SHROOM3: variants seen among roughly 807,000 people sequenced by gnomAD.
The protein encoded by SHROOM3 is shroom family member 3.
A neutral mutation model predicts 138.6 loss-of-function variants in SHROOM3; 47 were observed. The observed-to-expected ratio is 0.34, with a 90% CI of 0.27 to 0.43. The LOEUF is 0.43. Among genes scored for constraint, SHROOM3 ranks in the 20% least tolerant of loss-of-function variants. The probability of loss-of-function intolerance (pLI) is 1.00; values close to 1 mark genes in which losing one functional copy is unlikely to be tolerated. For synonymous variants in SHROOM3, 1,062 were observed against 1,063.3 expected (o/e 1.00, Z 0.02); for missense variants, 2,491 against 2,596.5 (o/e 0.96, Z 0.88).
rs1718630594 is a variant in SHROOM3, at chr4:76,664,317, T to C, written c.324-45839T>C. On this transcript the variant is annotated intron_variant, in intron 2 of 10. Transcript: ENST00000296043. The surrounding 1 kb of genome is among the most constrained non-coding windows in gnomAD (Gnocchi z 4.2). ...AAGCCACTTTCTCATCTAAAGAGCTTACTGAACCTAACTTCTTTGGAGAAC... is the reference window on the plus strand; with the variant it reads ...AAGCCACTTTCTCATCTAAAGAGCTCACTGAACCTAACTTCTTTGGAGAAC... Among the ~76,000 whole-genome samples the C allele has an allele frequency of 6.6e-6, 1 of 152,240 alleles. No homozygotes were observed. The highest frequency in any genetic ancestry group is 2.4e-5 in the African/African-American group (1 of 41,470).
intron 1 of SHROOM3, among the ~76,000 whole-genome samples, chr4:76,528,937 T>G (rs1732771174): frequency 6.6e-6 from 1 of 152,178 alleles, no homozygotes; most frequent in African/African-American, 2.4e-5. Flanking sequence ...CATTAATGGG[T>G]GGGCAACTGT....
intron 2 of SHROOM3, among the ~76,000 whole-genome samples, chr4:76,676,039 TG>T (rs1466616664): frequency 7.2e-5 from 11 of 152,212 alleles, no homozygotes; most frequent in Non-Finnish European, 1.5e-4. Flanking sequence ...CCTGAGACAC[TG>T]GTCAATAAAT....
chr4:76,573,969 G>A (rs1334051969), intron 2 of SHROOM3, among the ~76,000 whole-genome samples: 3 of 152,146 alleles, frequency 2.0e-5, no homozygotes, highest in Non-Finnish European at 4.4e-5. Flanking sequence ...ACCTACTCCA[G>A]TGACCTTCTC....
chr4:76,466,353 C>T (rs761628707), intron 1 of SHROOM3, among the ~76,000 whole-genome samples: 1 of 152,122 alleles, frequency 6.6e-6, no homozygotes, highest in Non-Finnish European at 1.5e-5. Flanking sequence ...AGAATCTGCT[C>T]CTCCATTTTC....
intron 1 of SHROOM3, among the ~76,000 whole-genome samples, chr4:76,527,490 G>T (rs540523433): frequency 6.6e-6 from 1 of 152,332 alleles, no homozygotes; most frequent in East Asian, 1.9e-4. Flanking sequence ...GGCTGAGGTG[G>T]GAGAATTGCT....
chr4:76,597,621 G>A (rs1187550617), intron 2 of SHROOM3, among the ~76,000 whole-genome samples: 1 of 152,142 alleles, frequency 6.6e-6, no homozygotes, highest in African/African-American at 2.4e-5. Context: ...AGCCAGTGAA[G>A]GACAAAACGT....
chr4:76,662,362 T>C (rs1411438140), intron 2 of SHROOM3, among the ~76,000 whole-genome samples: 1 of 152,176 alleles, frequency 6.6e-6, no homozygotes, highest in Admixed American at 6.5e-5. Flanking sequence ...TCTTCTCACA[T>C]GGAACCCCAC....
At chr4:76,711,962 T>C (rs1222297484) in intron 3 of SHROOM3, among the ~76,000 whole-genome samples, 1 of 152,082 alleles carries the variant, frequency 6.6e-6, no homozygotes, top group African/African-American at 2.4e-5. Flanking sequence ...ACTCAAGAGA[T>C]CCAGCCAGCA....
intron 2 of SHROOM3, among the ~76,000 whole-genome samples, chr4:76,679,700 G>A (rs1235863349): frequency 6.6e-6 from 1 of 152,042 alleles, no homozygotes; most frequent in African/African-American, 2.4e-5. Context: ...TCTCACTTCT[G>A]CTCAGGCAAA....
chr4:76,587,851 G>T (rs1734185164), intron 2 of SHROOM3, among the ~76,000 whole-genome samples: 1 of 152,172 alleles, frequency 6.6e-6, no homozygotes, highest in Non-Finnish European at 1.5e-5. Flanking sequence ...ATTTATAAAT[G>T]TTGAAGTTGT....
chr4:76,691,315 A>G (rs1719530286), intron 2 of SHROOM3, among the ~76,000 whole-genome samples: 1 of 152,160 alleles, frequency 6.6e-6, no homozygotes, highest in Non-Finnish European at 1.5e-5. Context: ...ATAAAGGAAG[A>G]CTAGGTCACT....
intron 2 of SHROOM3, among the ~76,000 whole-genome samples, chr4:76,591,451 C>T (rs1263263830): frequency 6.6e-6 from 1 of 152,154 alleles, no homozygotes; most frequent in Non-Finnish European, 1.5e-5. Context: ...GGCACACTTC[C>T]CTCAAGTTTT....
chr4:76,687,528 C>G (rs1013106), intron 2 of SHROOM3, among the ~76,000 whole-genome samples: 83,553 of 152,050 alleles, frequency 0.55, 23,570 homozygotes, highest in East Asian at 0.78. Context: ...ACCAGTTGAG[C>G]AAACTAACCC....
intron 1 of SHROOM3, among the ~76,000 whole-genome samples, chr4:76,484,548 G>T (rs1367078953): frequency 6.6e-6 from 1 of 151,674 alleles, no homozygotes; most frequent in Admixed American, 6.6e-5. Context: ...TCTAGCCTGG[G>T]CTACAGCCTG....
rs1203661765 is a variant in SHROOM3, at chr4:76,740,897, C to T, written c.2724C>T (p.Pro908=). The part of the protein sequence containing the change: ...PEREPEWRDR[P]GSPESPLLDA... ...GGGAGCCCGAGTGGCGGGACAGGCC[C>T]GGCTCGCCCGAATCGCCCCTGCTGG... The change falls in exon 5 of 11, where the codon CCC becomes CCT. Residue 908 remains proline, a synonymous_variant. Transcript: ENST00000296043. This position sits in a 1 kb window ranked among gnomAD's most constrained non-coding sequence, Gnocchi z 4.0. 2.6e-6 allele frequency: 4 copies of T among 1,511,534 alleles called. No homozygotes were observed. Among genetic ancestry groups the T allele is most frequent in the Middle Eastern group, 1.8e-4 (1 of 5,658 alleles). 93.6% of individuals were successfully genotyped at this position (1,511,534 alleles called of 1,614,324 possible).
intron 2 of SHROOM3, among the ~76,000 whole-genome samples, chr4:76,674,489 A>G (rs994984180): frequency 6.8e-6 from 1 of 147,708 alleles, no homozygotes; most frequent in African/African-American, 2.5e-5. Flanking sequence ...TTTTTCCTAG[A>G]TCATATGTCA....
intron 2 of SHROOM3, among the ~76,000 whole-genome samples, chr4:76,684,626 C>A (rs976661419): frequency 6.6e-6 from 1 of 152,116 alleles, no homozygotes. Flanking sequence ...TTACTTGGGA[C>A]CCTGGGGCTA....
chr4:76,644,681 A>C (rs1333734911), intron 2 of SHROOM3, among the ~76,000 whole-genome samples: 1 of 152,132 alleles, frequency 6.6e-6, no homozygotes, highest in Non-Finnish European at 1.5e-5. Context: ...AATCAGGGTA[A>C]TTAGCAAGGA....
chr4:76,648,580 T>A (rs1004268007), intron 2 of SHROOM3, among the ~76,000 whole-genome samples: 34 of 152,166 alleles, frequency 2.2e-4, no homozygotes, highest in Non-Finnish European at 4.3e-4. Context: ...TATATGAATT[T>A]GTTCAGATCG....
Sources: allele counts gnomAD v4.1 joint callset (sites outside exome capture counted in the v4.1 genomes callset), GRCh38; gene constraint gnomAD v4.1.1; non-coding constraint Gnocchi (gnomAD v3.1); transcripts MANE v1.5; gene names NCBI Gene and HGNC (gene_info 2026-07-23, HGNC 2026-07-21).